The following PARPBP variants were observed in gnomAD, a reference collection of about 807,000 sequenced individuals.
PARPBP encodes the protein PARP1 binding protein.
A neutral mutation model predicts 50.0 loss-of-function variants in PARPBP; 52 were observed. The observed-to-expected ratio is 1.04, with a 90% CI of 0.83 to 1.31. PARPBP has a LOEUF of 1.31. PARPBP is among the 50% of genes most tolerant of loss of function. The probability of loss-of-function intolerance (pLI) is 0.00; values close to 1 mark genes in which losing one functional copy is unlikely to be tolerated. For missense variants in PARPBP, 697 were observed against 672.0 expected, an observed-to-expected ratio of 1.04 and a Z score of -0.41; for synonymous variants, 244 against 232.1, an observed-to-expected ratio of 1.05 and a Z score of -0.47.
At chr12:102,121,268 T>C (rs1313239639) in intron 1 of PARPBP, among the ~76,000 whole-genome samples, 2 of 151,884 alleles carry the variant, frequency 1.3e-5, no homozygotes, top group African/African-American at 4.8e-5. Context: ...TAAGAAGGAG[T>C]GTTACGTGTT....
At chr12:102,137,095 A>T (rs574095532) in intron 2 of PARPBP, among the ~76,000 whole-genome samples, 5 of 152,144 alleles carry the variant, frequency 3.3e-5, no homozygotes, top group African/African-American at 1.2e-4. Flanking sequence ...GCTGGACTAC[A>T]GGCACCCACC....
chr12:102,148,070 A>G (rs1885649076), intron 2 of PARPBP, among the ~76,000 whole-genome samples, 160 bp from the exon 3 acceptor site: 1 of 152,210 alleles, frequency 6.6e-6, no homozygotes, highest in South Asian at 2.1e-4. Flanking sequence ...CTGGTTTCCA[A>G]AATTGTCTCA....
intron 2 of PARPBP, among the ~76,000 whole-genome samples, chr12:102,130,924 T>G (rs1267552184): frequency 1.3e-5 from 2 of 150,306 alleles, no homozygotes; most frequent in South Asian, 4.2e-4. Flanking sequence ...AAAGAAGACA[T>G]ACATGTGGCC....
At chr12:102,135,959 TACC>T (rs1883565752) in intron 2 of PARPBP, among the ~76,000 whole-genome samples, 1 of 152,238 alleles carries the variant, frequency 6.6e-6, no homozygotes, top group Non-Finnish European at 1.5e-5. Flanking sequence ...TTATGTGAGA[TACC>T]ATTCTACTGA....
chr12:102,196,278 T>G lies in PARPBP; in HGVS notation c.1727T>G (p.Phe576Cys), dbSNP rs1329721422. The G allele has an allele frequency of 3.8e-6, 6 of 1,581,802 alleles. No homozygotes were observed. In the East Asian group the frequency reaches 9.0e-5, roughly 24 times the overall value. Residue 576 changes from phenylalanine (F) to cysteine (C), a missense_variant, in exon 11 of 11, where the codon TTT (phenylalanine) becomes TGT (cysteine). Physicochemically the swap from Phe to Cys is radical, Grantham distance 205. Transcript: ENST00000327680. ...TCTGGCCAGGCAAAGTTAACTCAGT[T>G]TTTTAGACTATAAATTTGTGTCTTA... ...LISGQAKLTQFFRL is the reference protein window; with the variant it reads ...LISGQAKLTQCFRL
intron 9 of PARPBP, among the ~76,000 whole-genome samples, chr12:102,187,346 T>TC (rs1890389941): frequency 6.6e-6 from 1 of 152,120 alleles, no homozygotes; most frequent in Non-Finnish European, 1.5e-5. Flanking sequence ...AGGTGTGCAT[T>TC]CCTTTTTTTT....
At chr12:102,195,883 T>C (rs766441835) in intron 10 of PARPBP, 68 bp from the exon 11 acceptor site, 3 of 1,029,348 alleles carry the variant, frequency 2.9e-6, no homozygotes, top group Non-Finnish European at 4.2e-6. Context: ...AAGTTTATTG[T>C]AAAGTTCTCG....
At chr12:102,165,199 C>T (rs1186557462) in intron 5 of PARPBP, among the ~76,000 whole-genome samples, 2 of 152,088 alleles carry the variant, frequency 1.3e-5, no homozygotes, top group African/African-American at 2.4e-5. Flanking sequence ...AAGGACAAGC[C>T]TTTTGAACTA....
In PARPBP at chr12:102,164,500, T is replaced by C; in HGVS notation, c.558T>C (p.Asn186=). ...SYLNLLVNSK[N]DLAVAYILNI... ...TAAATCTGCTAGTGAATTCAAAGAA[T>C]GACCTGGCTGTGGCTTATATTCTCA... The change falls in exon 5 of 11, where the codon AAT becomes AAC. Residue 186 remains asparagine, a synonymous_variant. Coordinates refer to ENST00000327680, the MANE Select transcript of PARPBP (RefSeq NM_017915.5). The C allele has an allele frequency of 6.2e-7, 1 of 1,613,060 alleles. No homozygotes were observed. Among genetic ancestry groups the C allele is most frequent in the Non-Finnish European group, 8.5e-7 (1 of 1,179,108 alleles).
At chr12:102,190,840 TGGAGTGAA>T in intron 9 of PARPBP, among the ~76,000 whole-genome samples, 1 of 152,080 alleles carries the variant, frequency 6.6e-6, no homozygotes, top group African/African-American at 2.4e-5. Flanking sequence ...ATCAGTGCTG[TGGAGTGAA>T]ATGAAATGGG....
intron 3 of PARPBP, among the ~76,000 whole-genome samples, chr12:102,149,814 TA>T: frequency 6.6e-6 from 1 of 152,220 alleles, no homozygotes. Context: ...TACACTATGG[TA>T]AGGATACTTG....
chr12:102,183,699 G>A (rs988835758), intron 9 of PARPBP, among the ~76,000 whole-genome samples: 1 of 152,020 alleles, frequency 6.6e-6, no homozygotes, highest in Non-Finnish European at 1.5e-5. Context: ...TCTTGCTATG[G>A]ATACTGACAA....
chr12:102,178,809 C>A, intron 8 of PARPBP, 39 bp downstream of exon 8: 1 of 1,288,766 alleles, frequency 7.8e-7, no homozygotes. Context: ...TAAATGTTAA[C>A]TCTAGAGAAT....
In PARPBP at chr12:102,148,411, A is replaced by G. The variant is rs937191091; in HGVS notation, c.335A>G (p.Gln112Arg). ...SNMLDLIDVY[Q>R]KCRALTSNCE... ...ATGTTAGATCTGATTGATGTTTATC[A>G]AAAATGTAGGGCTTTGACTTCTAAT... The change falls in exon 3 of 11, where the codon CAA (glutamine) becomes CGA (arginine). Residue 112 changes from glutamine to arginine, a missense_variant. Transcript: ENST00000327680. The G allele has an allele frequency of 2.6e-6, 4 of 1,565,882 alleles. No homozygotes were observed. The highest frequency in any genetic ancestry group is 3.5e-6 in the Non-Finnish European group (4 of 1,137,946).
At chr12:102,170,905 C>CTTTTTT (rs56390964) in intron 6 of PARPBP, among the ~76,000 whole-genome samples, 1 of 113,306 alleles carries the variant, frequency 8.8e-6, no homozygotes, top group Non-Finnish European at 1.9e-5. Flanking sequence ...TTTAATTTTT[C>CTTTTTT]TTTTTTTTTT....
intron 3 of PARPBP, chr12:102,151,715 C>T: frequency 2.0e-6 from 3 of 1,535,606 alleles, no homozygotes; most frequent in Non-Finnish European, 2.6e-6. Flanking sequence ...TGGAGCTGGT[C>T]CCTAAACTTC....
intron 8 of PARPBP, among the ~76,000 whole-genome samples, chr12:102,180,779 G>T (rs1889753498): frequency 6.6e-6 from 1 of 152,144 alleles, no homozygotes; most frequent in South Asian, 2.1e-4. Flanking sequence ...TTTGGATTCT[G>T]CATTCGCATT....
chr12:102,132,309 GA>G (rs1015702842), intron 2 of PARPBP, among the ~76,000 whole-genome samples: 7 of 151,748 alleles, frequency 4.6e-5, no homozygotes, highest in Admixed American at 2.6e-4. Flanking sequence ...AAGTTCAAAA[GA>G]AAAAAATCCA....
chr12:102,181,424 C>G (rs1889813795), intron 8 of PARPBP, among the ~76,000 whole-genome samples: 1 of 152,150 alleles, frequency 6.6e-6, no homozygotes, highest in African/African-American at 2.4e-5. Context: ...TATACTTACA[C>G]AAACCTAGAT....
Sources: gnomAD v4.1 joint callset for allele counts (sites outside exome capture counted in the v4.1 genomes callset) on GRCh38, gnomAD v4.1.1 for gene constraint, MANE v1.5 for transcripts, NCBI Gene and HGNC (gene_info 2026-07-23, HGNC 2026-07-21) for gene names.